Variants in RBMS2 observed in about 807,000 individuals in gnomAD.
RBMS2 encodes RNA binding motif single stranded interacting protein 2.
A neutral mutation model predicts 58.4 loss-of-function variants in RBMS2; 38 were observed. The ratio of observed to expected loss-of-function variants is 0.65; its 90% CI spans 0.50 to 0.85. The LOEUF is 0.85. Ranked by LOEUF, RBMS2 falls within the 40% of genes least tolerant of loss-of-function variation. The pLI, the probability that RBMS2 is intolerant of heterozygous loss-of-function variation, is 0.00. For missense variants in RBMS2, 367 were observed against 503.7 expected (o/e 0.73, Z 2.60); for synonymous variants, 151 against 180.7 (o/e 0.84, Z 1.32).
chr12:56,589,979 GCA>G lies in RBMS2; in HGVS notation c.*849_*850del, dbSNP rs1885188038. On this transcript the variant is annotated 3_prime_UTR_variant, in exon 14 of 14. Coordinates refer to ENST00000262031, the MANE Select transcript of RBMS2 (RefSeq NM_002898.4). ...AAAAACTAGACTTTGGCTTCAGAAA[GCA>G]CAGATGTGACCCAGGCTTACTAAAG... 1 of 152,250 alleles carries G rather than the reference GCA, an allele frequency of 6.6e-6. No homozygotes were observed. The highest frequency in any genetic ancestry group is 2.4e-5 in the African/African-American group (1 of 41,414). The allele number at this position is 152,250 out of a possible 1,614,324, so 9.4% of individuals were successfully genotyped here.
intron 1 of RBMS2, among the ~76,000 whole-genome samples, chr12:56,561,036 A>G (rs755757365): frequency 2.0e-5 from 3 of 152,150 alleles, no homozygotes; most frequent in Non-Finnish European, 4.4e-5. Flanking sequence ...CTGTTCCTGC[A>G]TTAGTTTGCT....
chr12:56,582,295 G>A, intron 9 of RBMS2, 143 bp downstream of exon 9: 1 of 720,734 alleles, frequency 1.4e-6, no homozygotes, highest in Non-Finnish European at 2.3e-6. Flanking sequence ...CGTAAAAGAT[G>A]ATCTGTGCAT....
rs1490140440 is a variant in RBMS2 at position 56,589,482 on chromosome 12, T to C, written c.*349T>C. On this transcript the variant is annotated 3_prime_UTR_variant, in exon 14 of 14. Coordinates refer to ENST00000262031, the MANE Select transcript of RBMS2 (RefSeq NM_002898.4). Reference sequence around the variant, plus strand: ...CATGGTGGTCGCAGCTTCTCATCTATATGAAAAAGTTTTCGATGTATTGGA... The same window carrying C: ...CATGGTGGTCGCAGCTTCTCATCTACATGAAAAAGTTTTCGATGTATTGGA... 7.6e-6 allele frequency: 2 copies of C among 261,514 alleles called. No individual in the cohort carries two copies. The highest frequency in any genetic ancestry group is 5.4e-5 in the Admixed American group (1 of 18,528). 16.2% of individuals were successfully genotyped at this position (261,514 alleles called of 1,614,324 possible). A position where few individuals can be genotyped will look rare whatever the true frequency, so the allele number is the denominator to read the frequency against.
chr12:56,539,731 G>A (rs191563801), intron 1 of RBMS2: 19 of 448,426 alleles, frequency 4.2e-5, no homozygotes, highest in African/African-American at 2.2e-4. Flanking sequence ...GTGCAATGGC[G>A]TGATCTCGGC....
rs1240511289 is a variant in RBMS2, at chr12:56,594,889, T to C, written c.*5756T>C. 2 of 152,224 alleles carry C rather than the reference T, an allele frequency of 1.3e-5. No homozygotes were observed. The highest frequency in any genetic ancestry group is 2.9e-5 in the Non-Finnish European group (2 of 68,044). The allele number at this position is 152,224 out of a possible 1,614,324, so 9.4% of individuals were successfully genotyped here. ...GATTCACTGATTTCTTTACTGTCCTTCTCTGAGGGTTGGGAAGGTGGGGGC... is the reference window on the plus strand; with the variant it reads ...GATTCACTGATTTCTTTACTGTCCTCCTCTGAGGGTTGGGAAGGTGGGGGC... On this transcript the variant is annotated 3_prime_UTR_variant, in exon 14 of 14. Coordinates refer to ENST00000262031, the MANE Select transcript of RBMS2 (RefSeq NM_002898.4).
intron 5 of RBMS2, among the ~76,000 whole-genome samples, chr12:56,573,434 G>A (rs763886932): frequency 1.5e-5 from 2 of 132,756 alleles, no homozygotes; most frequent in Admixed American, 1.8e-4. Flanking sequence ...CCGAGATCGC[G>A]CCATTGCATT....
intron 1 of RBMS2, among the ~76,000 whole-genome samples, chr12:56,537,339 C>G (rs755257162): frequency 2.6e-5 from 4 of 152,174 alleles, no homozygotes; most frequent in Admixed American, 2.6e-4. Flanking sequence ...ACCCATTAAA[C>G]AACTCCACAT....
chr12:56,554,709 G>A (rs1001474935), intron 1 of RBMS2, among the ~76,000 whole-genome samples: 22 of 152,094 alleles, frequency 1.4e-4, no homozygotes, highest in African/African-American at 4.1e-4. Context: ...TAGCAAACTC[G>A]CACATGTATC....
At chr12:56,585,322 TTTGGATTATTTAATCCAATA>T (rs1225923185) in intron 9 of RBMS2, among the ~76,000 whole-genome samples, 1 of 152,256 alleles carries the variant, frequency 6.6e-6, no homozygotes, top group African/African-American at 2.4e-5. Flanking sequence ...AATCTCACTT[TTTGGATTATTTAATCCAATA>T]TTGGATTATT....
In RBMS2 at chr12:56,522,051, G is replaced by A; in HGVS notation, c.28G>A (p.Gly10Arg). MLLSVTSRP[G>R]ISTFGYNRNN... ...GCTGCTATCCGTGACTTCCAGGCCC[G>A]GGATTTCGACTTTTGGCTACAATAG... Residue 10 changes from glycine to arginine, a missense_variant, in exon 1 of 14, where the codon GGG (glycine) becomes AGG (arginine). Physicochemically the swap from Gly to Arg is moderately radical, Grantham distance 125. This residue lies in a region of RBMS2 where 93 missense variants were observed against 132.2 expected (regional missense o/e 0.70). Coordinates refer to ENST00000262031, the MANE Select transcript of RBMS2 (RefSeq NM_002898.4). 6.3e-7 allele frequency: 1 copy of A among 1,588,308 alleles called. No homozygotes were observed.
intron 12 of RBMS2, 129 bp from the exon 13 acceptor site, chr12:56,588,803 C>T: frequency 1.2e-6 from 1 of 810,806 alleles, no homozygotes; most frequent in South Asian, 1.5e-5. Flanking sequence ...TGGAAACACT[C>T]ACACATGAGT....
chr12:56,567,664 C>T (rs969238535), intron 2 of RBMS2, among the ~76,000 whole-genome samples: 4 of 152,044 alleles, frequency 2.6e-5, no homozygotes, highest in South Asian at 2.1e-4. Context: ...TAGTAAGATC[C>T]TGTCTCTACA....
At chr12:56,561,625 A>C (rs1342327788) in intron 1 of RBMS2, among the ~76,000 whole-genome samples, 4 of 144,100 alleles carry the variant, frequency 2.8e-5, no homozygotes, top group Non-Finnish European at 6.0e-5. Flanking sequence ...TTCTGCCTCA[A>C]CCTCCTGAGT....
In RBMS2 at chr12:56,558,964, C is replaced by T. The variant is rs142853292; in HGVS notation, c.67-3453C>T. Reference sequence around the variant, plus strand: ...CAGGCTAGTCTCTAACTCCTGGCCTCAAGCCAACCTCCCACCTCAACCCCC... The same window carrying T: ...CAGGCTAGTCTCTAACTCCTGGCCTTAAGCCAACCTCCCACCTCAACCCCC... On this transcript the variant is annotated intron_variant, in intron 1 of 13. Transcript: ENST00000262031. Among the ~76,000 whole-genome samples, 1,399 of 152,170 alleles carry T rather than the reference C, an allele frequency of 9.2e-3. 17 individuals carry two copies. Among genetic ancestry groups the T allele is most frequent in the Non-Finnish European group, 0.015 (1,043 of 67,988 alleles).
chr12:56,568,378 A>G (rs1881718870), intron 2 of RBMS2, among the ~76,000 whole-genome samples: 1 of 152,174 alleles, frequency 6.6e-6, no homozygotes, highest in South Asian at 2.1e-4. Flanking sequence ...TTTCCCCAAA[A>G]GACAGTCATC....
intron 1 of RBMS2, among the ~76,000 whole-genome samples, chr12:56,546,335 T>TATAAA: frequency 6.2e-5 from 9 of 145,796 alleles, no homozygotes; most frequent in African/African-American, 2.0e-4. Flanking sequence ...AATAATACAT[T>TATAAA]ATAATACATT....
chr12:56,562,583 C>T lies in RBMS2; in HGVS notation c.233C>T (p.Pro78Leu), dbSNP rs201891574. ...TDQDLVKLCQPYGKIVSTKAI... is the reference protein window; with the variant it reads ...TDQDLVKLCQLYGKIVSTKAI... ...CAAGATCTTGTCAAGCTGTGTCAGCCGTAAGTTGGAGTACATGTGCGTAGG... is the reference window on the plus strand; with the variant it reads ...CAAGATCTTGTCAAGCTGTGTCAGCTGTAAGTTGGAGTACATGTGCGTAGG... The change falls in exon 2 of 14, where the codon CCA becomes CTA. Residue 78 changes from proline to leucine, a missense_variant and splice_region_variant. Physicochemically the swap from Pro to Leu is moderately conservative, Grantham distance 98 (BLOSUM62 -3). Around this residue, in one of 3 missense-constraint regions of RBMS2, gnomAD observed 93 missense variants for 132.2 expected, o/e 0.70. Transcript: ENST00000262031. 290 of 1,612,790 alleles carry T rather than the reference C, an allele frequency of 1.8e-4. No individual in the cohort carries two copies. Among genetic ancestry groups the T allele is most frequent in the Non-Finnish European group, 2.3e-4 (272 of 1,178,892 alleles).
At chr12:56,562,654 T>C (rs1257534780) in intron 2 of RBMS2, 71 bp downstream of exon 2, 1 of 1,497,016 alleles carries the variant, frequency 6.7e-7, no homozygotes, top group African/African-American at 1.4e-5. Flanking sequence ...GGTCTCGTTA[T>C]GTTGTCCAGG....
intron 1 of RBMS2, among the ~76,000 whole-genome samples, chr12:56,558,173 G>A (rs1879625530): frequency 7.4e-6 from 1 of 134,644 alleles, no homozygotes; most frequent in Admixed American, 8.3e-5. Flanking sequence ...CCAGCCTCCC[G>A]AGAAGCTGGG....
Sources: gnomAD v4.1 joint callset for allele counts (sites outside exome capture counted in the v4.1 genomes callset) on GRCh38, gnomAD v4.1.1 for gene constraint, gnomAD v4.1.1 regional missense constraint, MANE v1.5 for transcripts, NCBI Gene and HGNC (gene_info 2026-07-23, HGNC 2026-07-21) for gene names.